ACADVL: variants seen among roughly 807,000 people sequenced by gnomAD.
ACADVL encodes the protein very long-chain acyl-CoA dehydrogenase, mitochondrial.
ACADVL carries 73 observed loss-of-function variants against 80.4 expected under a neutral mutation model. The observed-to-expected ratio is 0.91, with a 90% CI of 0.75 to 1.10. ACADVL has a LOEUF of 1.10. Ranked by LOEUF, ACADVL falls within the 50% of genes least tolerant of loss-of-function variation. The pLI is 0.00. For missense variants in ACADVL, 878 were observed against 858.9 expected (o/e 1.02, Z -0.28); for synonymous variants, 392 against 326.5 (o/e 1.20, Z -2.16).
rs534647044 is a variant in ACADVL at position 7,224,967 on chromosome 17, G to A, written c.1838G>A (p.Arg613Gln). 19 of 1,614,070 alleles carry A rather than the reference G, an allele frequency of 1.2e-5. No homozygotes were observed. Among genetic ancestry groups the A allele is most frequent in the Admixed American group, 6.7e-5 (4 of 60,032 alleles). ...CTTCCCTCTCCCCAGGCTGCAGCTC[G>A]GATCCGAGAGGGCATGGCCGCCCTG... ...CDTWCIEAAA[R>Q]IREGMAALQS... The change falls in exon 20 of 20, where the codon CGG becomes CAG. Residue 613 changes from arginine to glutamine, a missense_variant. Physicochemically the swap from Arg to Gln is conservative, Grantham distance 43. Transcript: ENST00000356839.
At chr17:7,220,426 G>A (rs2071142400) in intron 2 of ACADVL, 38 bp from the exon 3 acceptor site, 3 of 1,613,174 alleles carry the variant, frequency 1.9e-6, no homozygotes, top group Non-Finnish European at 2.5e-6. Flanking sequence ...CACAGCGGAA[G>A]TCCCTTCCCT....
chr17:7,218,881 C>T (rs1405514842), upstream of ACADVL: 12 of 1,612,684 alleles, frequency 7.4e-6, no homozygotes, highest in Non-Finnish European at 9.3e-6. Context: ...TCTCCCTAAT[C>T]CTCCAGGATT....
upstream of ACADVL, chr17:7,217,602 C>T (rs2142945500): frequency 7.3e-7 from 1 of 1,378,190 alleles, no homozygotes; most frequent in South Asian, 1.4e-5. Context: ...AGCCGTGGAG[C>T]CGAAGAGGGA....
intron 6 of ACADVL, 30 bp from the exon 7 acceptor site, chr17:7,221,508 G>C: frequency 6.2e-7 from 1 of 1,611,412 alleles, no homozygotes; most frequent in Non-Finnish European, 8.5e-7. Flanking sequence ...TGCAGCCAGT[G>C]ACAACCCCAG....
In ACADVL at chr17:7,225,247, T is replaced by TA; in HGVS notation, c.*155dup. 2 of 1,039,912 alleles carry TA rather than the reference T, an allele frequency of 1.9e-6. No individual in the cohort carries two copies. Among genetic ancestry groups the TA allele is most frequent in the Non-Finnish European group, 2.8e-6 (2 of 711,928 alleles). The allele number at this position is 1,039,912 out of a possible 1,614,324, so 64.4% of individuals were successfully genotyped here. On this transcript the variant is annotated 3_prime_UTR_variant, in exon 20 of 20. Coordinates refer to ENST00000356839, the MANE Select transcript of ACADVL (RefSeq NM_000018.4). ...AGAGCACTTACTGCCTCGCAAATAA[T>TA]AAAAATTTCTAGCCAGTCATGCTTT... is the stretch of plus-strand genomic sequence containing the variant.
upstream of ACADVL, chr17:7,218,779 G>A: frequency 1.2e-6 from 2 of 1,608,886 alleles, no homozygotes; most frequent in Non-Finnish European, 1.7e-6. Flanking sequence ...CCGAGCCCCA[G>A]CCCCCCACTT....
Position 7,220,013 on chromosome 17 carries a change from T to G in ACADVL, c.29T>G (p.Leu10Trp). 2.5e-6 allele frequency: 4 copies of G among 1,604,776 alleles called. No homozygotes were observed. Among genetic ancestry groups the G allele is most frequent in the Non-Finnish European group, 3.4e-6 (4 of 1,178,722 alleles). ...CAGGCGGCTCGGATGGCCGCGAGCT[T>G]GGGGCGGCAGCTGCTGAGGCTCGGG... MQAARMAAS[L>W]GRQLLRLGGG... is the part of the protein sequence containing the mutation. The change falls in exon 1 of 20, where the codon TTG (leucine) becomes TGG (tryptophan). Residue 10 changes from leucine (L) to tryptophan (W), a missense_variant. Leu to Trp is a moderately conservative substitution (Grantham distance 61). Transcript: ENST00000356839.
upstream of ACADVL, chr17:7,217,917 G>C: frequency 8.4e-7 from 1 of 1,193,558 alleles, no homozygotes; most frequent in Non-Finnish European, 1.2e-6. Flanking sequence ...CAGGCGGTAG[G>C]GGGTCGGGTG....
At chr17:7,221,276 AT>A in intron 6 of ACADVL, 1 of 957,588 alleles carries the variant, frequency 1.0e-6, no homozygotes, top group Non-Finnish European at 1.5e-6. Context: ...GTCCTTACAA[AT>A]CTCTAAGTTG....
In ACADVL at chr17:7,221,472, A is replaced by C. The variant is rs76640635; in HGVS notation, c.478-66A>C. 3.8e-3 allele frequency: 6,101 copies of C among 1,611,238 alleles called. 201 individuals are homozygous for C. The African/African-American group carries it at 0.072, about 19-fold the overall frequency. ...GGTCAGGAACTGCCCTGTTGCCCAC[A>C]CTCTCCTGTTAAGGTCAGGTCCCCC... is the stretch of plus-strand genomic sequence containing the variant. On this transcript the variant is annotated intron_variant, in intron 6 of 19. Transcript: ENST00000356839.
chr17:7,220,938 C>T lies in ACADVL; in HGVS notation c.357C>T (p.Pro119=), dbSNP rs1443253379. Residue 119 remains proline (P), a synonymous_variant, in exon 6 of 20, where the codon CCC becomes CCT. Transcript: ENST00000356839. ...VSRFFEEVND[P]AKNDALEMVE... is the part of the protein sequence containing the mutation. The stretch of plus-strand genomic sequence containing the variant: ...GCCTTCCCCAGGAAGTGAACGATCC[C>T]GCCAAGAATGACGCTCTGGAGATGG... 5.0e-6 allele frequency: 8 copies of T among 1,614,070 alleles called. No individual in the cohort carries two copies. In the East Asian group the frequency reaches 6.7e-5, roughly 13 times the overall value.
chr17:7,221,280 C>T (rs1440892086), intron 6 of ACADVL: 1 of 952,880 alleles, frequency 1.0e-6, no homozygotes, highest in Non-Finnish European at 1.5e-6. Flanking sequence ...TTACAAATCT[C>T]TAAGTTGGGG....
chr17:7,222,373 C>T lies in ACADVL; in HGVS notation c.878+71C>T, dbSNP rs2071274043. ...TGGGCTCCTGGGCAGATGGCTGTTG[C>T]AAGTCACCCTGGGGACGTGTGCAAA... On this transcript the variant is annotated intron_variant, in intron 9 of 19. Coordinates refer to ENST00000356839, the MANE Select transcript of ACADVL (RefSeq NM_000018.4). The T allele has an allele frequency of 1.9e-6, 3 of 1,584,838 alleles. No individual in the cohort carries two copies. The African/African-American group carries it at 4.0e-5, about 21-fold the overall frequency.
upstream of ACADVL, chr17:7,217,767 G>T: frequency 7.2e-6 from 11 of 1,535,352 alleles, no homozygotes; most frequent in Non-Finnish European, 8.7e-6. Flanking sequence ...AGGCCCCTGA[G>T]GCAAACATGG....
upstream of ACADVL, chr17:7,218,732 C>T (rs934134266): frequency 1.8e-5 from 28 of 1,571,130 alleles, no homozygotes; most frequent in African/African-American, 2.7e-5. Flanking sequence ...GTGCCCTTCA[C>T]CCCAGCCCCT....
chr17:7,222,220 C>G lies in ACADVL; in HGVS notation c.796C>G (p.Pro266Ala), dbSNP rs1299153260. 1.2e-6 allele frequency: 2 copies of G among 1,614,072 alleles called. No homozygotes were observed. Among genetic ancestry groups the G allele is most frequent in the East Asian group, 2.2e-5 (1 of 44,880 alleles). ...CATCTTCACGGTCTTTGCCAAGACA[C>G]CAGTTACAGATCCAGCCACAGGAGC... ...ADIFTVFAKT[P>A]VTDPATGAVK... Residue 266 changes from proline (P) to alanine (A), a missense_variant, in exon 9 of 20, where the codon CCA (proline) becomes GCA (alanine). Pro to Ala is a conservative substitution (Grantham distance 27). Coordinates refer to ENST00000356839, the MANE Select transcript of ACADVL (RefSeq NM_000018.4).
chr17:7,222,785 G>A lies in ACADVL; in HGVS notation c.997G>A (p.Ala333Thr), dbSNP rs2071292782. 1 of 1,614,030 alleles carries A rather than the reference G, an allele frequency of 6.2e-7. No homozygotes were observed. Among genetic ancestry groups the A allele is most frequent in the Non-Finnish European group, 8.5e-7 (1 of 1,180,008 alleles). Reference protein sequence around the residue: ...LGEVGSGFKVAMHILNNGRFG... With the variant: ...LGEVGSGFKVTMHILNNGRFG... ...TGAGGTTGGGAGTGGCTTCAAGGTTGCCATGCACATCCTCAACAATGGAAG... is the reference window on the plus strand; with the variant it reads ...TGAGGTTGGGAGTGGCTTCAAGGTTACCATGCACATCCTCAACAATGGAAG... The change falls in exon 10 of 20, where the codon GCC becomes ACC. Residue 333 changes from alanine to threonine, a missense_variant. Coordinates refer to ENST00000356839, the MANE Select transcript of ACADVL (RefSeq NM_000018.4).
At chr17:7,221,741 G>A (rs2071238631) in intron 7 of ACADVL, 59 bp downstream of exon 7, 33 of 1,611,404 alleles carry the variant, frequency 2.0e-5, no homozygotes, top group Non-Finnish European at 2.6e-5. Flanking sequence ...GCACAGATTA[G>A]GCCAGTTGGC....
chr17:7,217,591 G>A, upstream of ACADVL: 3 of 1,386,834 alleles, frequency 2.2e-6, no homozygotes, highest in African/African-American at 3.1e-5. Flanking sequence ...GCGGCCGAGG[G>A]AGCCGTGGAG....
Sources: gnomAD v4.1 joint callset for allele counts on GRCh38, gnomAD v4.1.1 for gene constraint, MANE v1.5 for transcripts, NCBI Gene and HGNC (gene_info 2026-07-23, HGNC 2026-07-21) for gene names.